Variants in MIA2 observed in about 807,000 individuals in gnomAD.
The protein encoded by MIA2 is melanoma inhibitory activity protein 2.
A neutral mutation model predicts 167.8 loss-of-function variants in MIA2; 127 were observed. The ratio of observed to expected loss-of-function variants is 0.76; its 90% CI spans 0.66 to 0.88. The LOEUF is 0.88. Among genes scored for constraint, MIA2 ranks in the 40% least tolerant of loss-of-function variants. The pLI is 0.00. For missense variants in MIA2, 1,690 were observed against 1,624.7 expected (o/e 1.04, Z -0.69); for synonymous variants, 552 against 541.9 (o/e 1.02, Z -0.26).
chr14:39,335,557 C>T (rs1260493014), intron 25 of MIA2, among the ~76,000 whole-genome samples: 1 of 152,242 alleles, frequency 6.6e-6, no homozygotes, highest in South Asian at 2.1e-4. Context: ...TCTAACTTAT[C>T]TCTTTTCTCA....
At position 39,386,132 on chromosome 14, in the gene MIA2, C is replaced by G. The variant is rs1595974097; in HGVS notation, c.2249-753C>G. ...GACATCAAGCATTGGTCATCTGACT[C>G]TGAACTAGAGTCTGAAATAGGAAGA... On this transcript the variant is annotated intron_variant, in intron 23 of 23. Transcript: ENST00000341502. 3 of 1,320,040 alleles carry G rather than the reference C, an allele frequency of 2.3e-6. No individual in the cohort carries two copies. The East Asian group carries it at 6.9e-5, about 30-fold the overall frequency. 81.8% of individuals were successfully genotyped at this position (1,320,040 alleles called of 1,614,324 possible).
intron 6 of MIA2, among the ~76,000 whole-genome samples, chr14:39,274,675 C>T (rs994397033): frequency 2.6e-5 from 4 of 151,532 alleles, no homozygotes; most frequent in Non-Finnish European, 5.9e-5. Flanking sequence ...ATCTGCCCAC[C>T]TTGGCCTCCC....
intron 6 of MIA2, chr14:39,267,329 T>C (rs2055987904): frequency 1.3e-6 from 2 of 1,530,898 alleles, no homozygotes; most frequent in Non-Finnish European, 1.7e-6. Flanking sequence ...CGCAGCCGGC[T>C]CCGCAGTGGT....
chr14:39,255,407 C>T (rs2054776678), intron 6 of MIA2, among the ~76,000 whole-genome samples: 1 of 152,134 alleles, frequency 6.6e-6, no homozygotes, highest in African/African-American at 2.4e-5. Flanking sequence ...ACTTGAGAGG[C>T]TGAGACACAA....
intron 18 of MIA2, 132 bp from the exon 19 acceptor site, chr14:39,313,208 T>A: frequency 2.2e-6 from 1 of 453,456 alleles, no homozygotes; most frequent in Admixed American, 3.9e-5. Context: ...TTTTTTTTCC[T>A]TGTAGGTGAT....
chr14:39,329,783 A>G (rs892529727), intron 25 of MIA2, among the ~76,000 whole-genome samples: 4 of 151,790 alleles, frequency 2.6e-5, no homozygotes, highest in African/African-American at 4.8e-5. Context: ...ACTAATTTGC[A>G]TATGTTGAAC....
At chr14:39,381,542 GCAAAAGAATGAAC>G (rs2075161416) in intron 23 of MIA2, among the ~76,000 whole-genome samples, 1 of 152,178 alleles carries the variant, frequency 6.6e-6, no homozygotes, top group African/African-American at 2.4e-5. Context: ...TGAAAAAAGG[GCAAAAGAATGAAC>G]CACACTGTGG....
intron 4 of MIA2, among the ~76,000 whole-genome samples, chr14:39,249,236 G>A (rs2054450247): frequency 6.6e-6 from 1 of 152,102 alleles, no homozygotes; most frequent in Non-Finnish European, 1.5e-5. Flanking sequence ...AATCTCCAGG[G>A]CTCAATCTAT....
chr14:39,376,391 A>G (rs1050352267), intron 23 of MIA2, among the ~76,000 whole-genome samples: 5 of 152,190 alleles, frequency 3.3e-5, no homozygotes, highest in Non-Finnish European at 7.3e-5. Flanking sequence ...TAGTGTTTTT[A>G]AAAGTTAAAT....
intron 23 of MIA2, among the ~76,000 whole-genome samples, chr14:39,367,875 T>A (rs2074856222): frequency 6.6e-6 from 1 of 152,204 alleles, no homozygotes; most frequent in Non-Finnish European, 1.5e-5. Flanking sequence ...TTCTGTGGAT[T>A]CAGAACTCAA....
rs1388411562 is a variant in MIA2, at chr14:39,314,753, A to T, written c.3134A>T (p.Asp1045Val). 3.1e-6 allele frequency: 5 copies of T among 1,609,426 alleles called. No homozygotes were observed. In the East Asian group the frequency reaches 1.1e-4, roughly 36 times the overall value. Residue 1045 changes from aspartate (D) to valine (V), a missense_variant, in exon 20 of 29, where the codon GAT (aspartate) becomes GTT (valine). Physicochemically the swap from Asp to Val is radical, Grantham distance 152. Transcript: ENST00000640607. ...GTTCCATTTAGAAAGCGAGCCAAAGATCTTGAAGAAGAATTGGAGAGAACT... is the reference window on the plus strand; with the variant it reads ...GTTCCATTTAGAAAGCGAGCCAAAGTTCTTGAAGAAGAATTGGAGAGAACT... ...ELETYRKRAK[D>V]LEEELERTIH...
chr14:39,365,942 A>G (rs753726448), intron 23 of MIA2, among the ~76,000 whole-genome samples: 27 of 152,090 alleles, frequency 1.8e-4, no homozygotes, highest in Non-Finnish European at 3.5e-4. Flanking sequence ...TGGTGTAACA[A>G]TCACTTCTTC....
At position 39,247,958 on chromosome 14, in the gene MIA2, T is replaced by A; in HGVS notation, c.1384T>A (p.Tyr462Asn). The A allele has an allele frequency of 6.3e-7, 1 of 1,597,702 alleles. No homozygotes were observed. Among genetic ancestry groups the A allele is most frequent in the Non-Finnish European group, 8.5e-7 (1 of 1,176,340 alleles). ...TATACCATATTTGAAAAAGTTCTTG[T>A]ATAATTTTGACAACCCTTGGAACTT... ...DTIPYLKKFLYNFDNPWNFQN... is the reference protein window; with the variant it reads ...DTIPYLKKFLNNFDNPWNFQN... The change falls in exon 4 of 29, where the codon TAT becomes AAT. Residue 462 changes from tyrosine (Y) to asparagine (N), a missense_variant. By Grantham distance (143) the Tyr-to-Asn change is moderately radical. Coordinates refer to ENST00000640607, the MANE Select transcript of MIA2 (RefSeq NM_001329214.4).
At chr14:39,335,520 T>G (rs2070164634) in intron 25 of MIA2, among the ~76,000 whole-genome samples, 1 of 152,222 alleles carries the variant, frequency 6.6e-6, no homozygotes, top group Non-Finnish European at 1.5e-5. Context: ...AAAACTTTAC[T>G]TAGCTTATAT....
At chr14:39,334,557 A>G (rs1039966567) in intron 25 of MIA2, among the ~76,000 whole-genome samples, 5 of 109,530 alleles carry the variant, frequency 4.6e-5, no homozygotes, top group African/African-American at 1.8e-4. Context: ...ATGATAATGA[A>G]TGAGGGGACT....
chr14:39,265,367 G>A (rs187547627), intron 6 of MIA2: 1 of 1,591,052 alleles, frequency 6.3e-7, no homozygotes, highest in East Asian at 2.2e-5. Context: ...TTACATGTTA[G>A]GAAATTTTAA....
downstream of MIA2, among the ~76,000 whole-genome samples, chr14:39,352,042 T>C (rs989912299): frequency 1.3e-5 from 2 of 152,168 alleles, no homozygotes; most frequent in African/African-American, 4.8e-5. Context: ...TTGGCAGTAA[T>C]AGGCTAATGA....
At chr14:39,341,444 T>C (rs1054021637) in intron 25 of MIA2, among the ~76,000 whole-genome samples, 25 of 152,204 alleles carry the variant, frequency 1.6e-4, no homozygotes, top group African/African-American at 6.0e-4. Flanking sequence ...AGTGAAACCC[T>C]GGAATATTAA....
At chr14:39,380,873 T>G (rs1229549290) in intron 23 of MIA2, among the ~76,000 whole-genome samples, 1 of 152,102 alleles carries the variant, frequency 6.6e-6, no homozygotes, top group Non-Finnish European at 1.5e-5. Flanking sequence ...AAGAGAAAGA[T>G]ATCATGGGCC....
Sources: gnomAD v4.1 joint callset for allele counts (sites outside exome capture counted in the v4.1 genomes callset) on GRCh38, gnomAD v4.1.1 for gene constraint, MANE v1.5 for transcripts, NCBI Gene and HGNC (gene_info 2026-07-23, HGNC 2026-07-21) for gene names.